ERO1A: variants seen among roughly 807,000 people sequenced by gnomAD.
ERO1A encodes the protein endoplasmic reticulum oxidoreductase 1 alpha.
ERO1A carries 49 observed loss-of-function variants against 76.9 expected under a neutral mutation model. The observed-to-expected ratio is 0.64, with a 90% CI of 0.51 to 0.81. The LOEUF (loss-of-function observed/expected upper bound fraction) is 0.81, where lower values mean the gene tolerates loss of function less well. Ranked by LOEUF, ERO1A falls within the 30% of genes least tolerant of loss-of-function variation. The pLI, the probability that ERO1A is intolerant of heterozygous loss-of-function variation, is 0.00. For missense variants in ERO1A, 448 were observed against 542.1 expected, an observed-to-expected ratio of 0.83 and a Z score of 1.72; for synonymous variants, 174 against 181.2, an observed-to-expected ratio of 0.96 and a Z score of 0.32.
At chr14:52,673,704 C>T (rs2040686705) in intron 4 of ERO1A, among the ~76,000 whole-genome samples, 1 of 151,942 alleles carries the variant, frequency 6.6e-6, no homozygotes, top group Admixed American at 6.6e-5. Flanking sequence ...ACAATCATAA[C>T]TTAGTATATA....
intron 1 of ERO1A, among the ~76,000 whole-genome samples, chr14:52,694,544 A>G (rs890007329): frequency 2.0e-5 from 3 of 152,140 alleles, no homozygotes; most frequent in Non-Finnish European, 4.4e-5. Flanking sequence ...TTAATTTTGT[A>G]TAAAACGTAA....
intron 11 of ERO1A, among the ~76,000 whole-genome samples, chr14:52,657,683 A>T (rs2040095855): frequency 6.6e-6 from 1 of 152,196 alleles, no homozygotes. Flanking sequence ...TTCCAAAGTG[A>T]TATGGACAAT....
At chr14:52,644,279 C>A (rs578026312) in intron 15 of ERO1A, among the ~76,000 whole-genome samples, 2 of 152,136 alleles carry the variant, frequency 1.3e-5, no homozygotes, top group African/African-American at 4.8e-5. Context: ...TGTGGCAAAA[C>A]CTTCTCTCTA....
chr14:52,660,914 G>A (rs2040209754), intron 9 of ERO1A, among the ~76,000 whole-genome samples: 1 of 152,182 alleles, frequency 6.6e-6, no homozygotes, highest in African/African-American at 2.4e-5. Flanking sequence ...AGCCAGCTCT[G>A]AAATCAATAC....
intron 4 of ERO1A, among the ~76,000 whole-genome samples, chr14:52,673,857 C>T (rs755132326): frequency 2.0e-4 from 31 of 152,162 alleles, no homozygotes; most frequent in Non-Finnish European, 3.8e-4. Flanking sequence ...CCCACCTCAG[C>T]CTCCTGAGTA....
rs576698111 is a variant in ERO1A at position 52,642,791 on chromosome 14, G to A, written c.*779C>T. On this transcript the variant is annotated 3_prime_UTR_variant, in exon 16 of 16. Coordinates refer to ENST00000395686, the MANE Select transcript of ERO1A (RefSeq NM_014584.3). Reference sequence around the variant, plus strand: ...AAAAGTGTTCCCCAAATTTTATTTAGTATTAGTGAAAGTATTATGAGAATA... The same window carrying A: ...AAAAGTGTTCCCCAAATTTTATTTAATATTAGTGAAAGTATTATGAGAATA... The A allele has an allele frequency of 6.6e-6, 1 of 152,460 alleles. No individual in the cohort carries two copies. Among genetic ancestry groups the A allele is most frequent in the Non-Finnish European group, 1.5e-5 (1 of 67,992 alleles). The allele number at this position is 152,460 out of a possible 1,614,324, so 9.4% of individuals were successfully genotyped here.
intron 1 of ERO1A, among the ~76,000 whole-genome samples, chr14:52,693,687 G>T (rs1566649849): frequency 6.6e-6 from 1 of 151,578 alleles, no homozygotes; most frequent in Non-Finnish European, 1.5e-5. Context: ...TGTAGAGACG[G>T]GGGTTTCACT....
At chr14:52,675,898 T>C (rs1304988049) in intron 4 of ERO1A, among the ~76,000 whole-genome samples, 1 of 152,236 alleles carries the variant, frequency 6.6e-6, no homozygotes, top group African/African-American at 2.4e-5. Context: ...TTGCCGAGGC[T>C]GGTCTCGAAC....
chr14:52,652,822 AC>A (rs2139648109), intron 12 of ERO1A, among the ~76,000 whole-genome samples: 1 of 151,978 alleles, frequency 6.6e-6, no homozygotes, highest in East Asian at 1.9e-4. Flanking sequence ...ACATGGCAAA[AC>A]CCCATCTCTA....
intron 4 of ERO1A, among the ~76,000 whole-genome samples, chr14:52,676,482 G>C (rs961816035): frequency 6.6e-6 from 1 of 152,166 alleles, no homozygotes; most frequent in African/African-American, 2.4e-5. Flanking sequence ...AAGAGACCAA[G>C]AGGGGCAGCA....
rs774454491 is a variant in ERO1A, at chr14:52,646,302, A to C, written c.1213-15T>G. The stretch of plus-strand genomic sequence containing the variant: ...AAACCCTGAGTCTGTAATAGAAATA[A>C]GGAAAAAAGAAAAATTAGAAAATTA... On this transcript the variant is annotated splice_polypyrimidine_tract_variant and intron_variant, in intron 14 of 15. Transcript: ENST00000395686. 1.1e-5 allele frequency: 18 copies of C among 1,598,648 alleles called. No individual in the cohort carries two copies. The East Asian group carries it at 3.6e-4, about 32-fold the overall frequency.
At chr14:52,654,780 T>C (rs983148047) in intron 11 of ERO1A, among the ~76,000 whole-genome samples, 2 of 152,212 alleles carry the variant, frequency 1.3e-5, no homozygotes, top group Non-Finnish European at 2.9e-5. Context: ...GTTTGTCCTA[T>C]TATGTGTCTT....
intron 1 of ERO1A, among the ~76,000 whole-genome samples, chr14:52,692,180 T>C (rs1284651589): frequency 6.6e-6 from 1 of 152,250 alleles, no homozygotes; most frequent in African/African-American, 2.4e-5. Context: ...GCACCAATTA[T>C]TCACCAGGCT....
chr14:52,665,458 AAAC>A (rs2040382820), intron 7 of ERO1A, among the ~76,000 whole-genome samples: 1 of 151,972 alleles, frequency 6.6e-6, no homozygotes, highest in African/African-American at 2.4e-5. Flanking sequence ...TCAAAAAAAA[AAAC>A]ACCACAGTCT....
At chr14:52,676,298 A>G (rs1017162687) in intron 4 of ERO1A, among the ~76,000 whole-genome samples, 12 of 152,236 alleles carry the variant, frequency 7.9e-5, no homozygotes, top group African/African-American at 2.9e-4. Context: ...TCAATTTATC[A>G]ATAAAGGATA....
At chr14:52,694,824 A>C (rs540585128) in intron 1 of ERO1A, among the ~76,000 whole-genome samples, 42 of 152,192 alleles carry the variant, frequency 2.8e-4, no homozygotes, top group Non-Finnish European at 4.8e-4. Flanking sequence ...CAGGACCAGA[A>C]ACCAGAGGGC....
Position 52,657,942 on chromosome 14 carries a change from A to G in ERO1A, c.783T>C (p.His261=), listed in dbSNP as rs2040104405. The G allele has an allele frequency of 1.2e-6, 2 of 1,611,216 alleles. No individual in the cohort carries two copies. Among genetic ancestry groups the G allele is most frequent in the Non-Finnish European group, 1.7e-6 (2 of 1,178,332 alleles). Residue 261 remains histidine, a synonymous_variant, in exon 11 of 16, where the codon CAT becomes CAC. Coordinates refer to ENST00000395686, the MANE Select transcript of ERO1A (RefSeq NM_014584.3). ...CTTGTAAAAGATATCTTGCACTCAAATGCACATTAATGCTTGCATGTAGGC... is the reference window on the plus strand; with the variant it reads ...CTTGTAAAAGATATCTTGCACTCAAGTGCACATTAATGCTTGCATGTAGGC... The part of the protein sequence containing the change: ...ISGLHASINV[H]LSARYLLQET...
intron 15 of ERO1A, among the ~76,000 whole-genome samples, chr14:52,645,538 T>G (rs2039620297): frequency 6.6e-6 from 1 of 150,428 alleles, no homozygotes; most frequent in Admixed American, 6.6e-5. Flanking sequence ...TCCACCCACC[T>G]TGGCTTCTCA....
At chr14:52,653,622 T>C (rs2039949804) in intron 11 of ERO1A, among the ~76,000 whole-genome samples, 1 of 151,950 alleles carries the variant, frequency 6.6e-6, no homozygotes, top group Non-Finnish European at 1.5e-5. Context: ...ATATGGCATC[T>C]TTTGATACAG....
Sources: allele counts gnomAD v4.1 joint callset (sites outside exome capture counted in the v4.1 genomes callset), GRCh38; gene constraint gnomAD v4.1.1; transcripts MANE v1.5; gene names NCBI Gene and HGNC (gene_info 2026-07-23, HGNC 2026-07-21).